The following FSTL5 variants were observed in gnomAD, a reference collection of about 807,000 sequenced individuals.
The protein encoded by FSTL5 is follistatin-related protein 5.
FSTL5 carries 62 observed loss-of-function variants against 89.1 expected under a neutral mutation model. That is an observed-to-expected ratio of 0.70 (90% CI 0.57 to 0.86). FSTL5 has a LOEUF of 0.86. Ranked by LOEUF, FSTL5 falls within the 40% of genes least tolerant of loss-of-function variation. The pLI, the probability that FSTL5 is intolerant of heterozygous loss-of-function variation, is 0.00. For missense variants in FSTL5, 1,057 were observed against 1,001.6 expected, an observed-to-expected ratio of 1.06 and a Z score of -0.75; for synonymous variants, 383 against 346.2, an observed-to-expected ratio of 1.11 and a Z score of -1.18.
chr4:161,924,672 T>C (rs1401623389), intron 3 of FSTL5, among the ~76,000 whole-genome samples: 1 of 151,620 alleles, frequency 6.6e-6, no homozygotes, highest in Admixed American at 6.6e-5. Context: ...TACCATGTAA[T>C]ACAAATAACT....
chr4:161,626,420 C>G (rs1735317956), intron 7 of FSTL5, among the ~76,000 whole-genome samples: 1 of 152,110 alleles, frequency 6.6e-6, no homozygotes, highest in Non-Finnish European at 1.5e-5. Context: ...CATAGCACAT[C>G]TGTTTAAAGC....
intron 13 of FSTL5, among the ~76,000 whole-genome samples, chr4:161,461,979 AG>A (rs1298399852): frequency 4.6e-5 from 7 of 152,180 alleles, no homozygotes; most frequent in Non-Finnish European, 7.3e-5. Flanking sequence ...ACTATATCAA[AG>A]GTCTGTAAGT....
chr4:162,049,968 T>C (rs901539715), intron 2 of FSTL5, among the ~76,000 whole-genome samples: 2 of 151,890 alleles, frequency 1.3e-5, no homozygotes, highest in Non-Finnish European at 2.9e-5. Flanking sequence ...AGCTGAATTA[T>C]TAGTAAAGAA....
intron 4 of FSTL5, among the ~76,000 whole-genome samples, chr4:161,778,871 G>C (rs1741518113): frequency 6.6e-6 from 1 of 152,202 alleles, no homozygotes; most frequent in Admixed American, 6.5e-5. Context: ...TCAGGAAGGA[G>C]AGAAATGTGT....
chr4:161,414,400 T>C (rs1731703917), intron 15 of FSTL5, among the ~76,000 whole-genome samples: 1 of 152,128 alleles, frequency 6.6e-6, no homozygotes. Context: ...CGAGACAAAA[T>C]ATTATTCATA....
chr4:162,088,679 CAG>C (rs1024653811), intron 2 of FSTL5, among the ~76,000 whole-genome samples: 2 of 152,006 alleles, frequency 1.3e-5, no homozygotes, highest in Admixed American at 6.6e-5. Context: ...TTATTAGAAA[CAG>C]ATTTAATTTT....
rs181266286 is a variant in FSTL5, at chr4:161,906,205, T to G, written c.409+14199A>C. 8.3e-3 allele frequency among the ~76,000 whole-genome samples: 1,269 copies of G among 152,244 alleles called. 26 individuals carry two copies. The highest frequency in any genetic ancestry group is 0.03 in the African/African-American group (1,228 of 41,548). On this transcript the variant is annotated intron_variant, in intron 4 of 15. Coordinates refer to ENST00000306100, the MANE Select transcript of FSTL5 (RefSeq NM_020116.5). The stretch of plus-strand genomic sequence containing the variant: ...AAACCAGTTGGAATCAAATCTTCAC[T>G]GATATCAGGAATAATAACCATACTT...
chr4:161,946,100 AT>A (rs1560930145), intron 3 of FSTL5, among the ~76,000 whole-genome samples: 1 of 152,060 alleles, frequency 6.6e-6, no homozygotes, highest in East Asian at 1.9e-4. Flanking sequence ...CTCACCACAT[AT>A]TTTTTCCTAT....
intron 15 of FSTL5, among the ~76,000 whole-genome samples, chr4:161,414,373 TAGG>T (rs923405455): frequency 1.3e-5 from 2 of 152,098 alleles, no homozygotes; most frequent in African/African-American, 4.8e-5. Flanking sequence ...TAATAGTCAT[TAGG>T]AGTAGAAATA....
intron 7 of FSTL5, among the ~76,000 whole-genome samples, chr4:161,629,396 G>C (rs1439583822): frequency 6.6e-6 from 1 of 152,106 alleles, no homozygotes; most frequent in East Asian, 1.9e-4. Context: ...AGGCTGGAGT[G>C]CGATGGCATG....
At chr4:161,406,525 G>C (rs1040578908) in intron 15 of FSTL5, among the ~76,000 whole-genome samples, 5 of 152,134 alleles carry the variant, frequency 3.3e-5, no homozygotes, top group Middle Eastern at 3.4e-3. Flanking sequence ...TTGTCTGTTA[G>C]GTCTGGTTAG....
At chr4:162,020,226 G>T (rs1234897324) in intron 3 of FSTL5, among the ~76,000 whole-genome samples, 3 of 151,788 alleles carry the variant, frequency 2.0e-5, no homozygotes, top group East Asian at 1.9e-4. Flanking sequence ...TGGGACACAG[G>T]CCCCATGGAC....
intron 7 of FSTL5, among the ~76,000 whole-genome samples, chr4:161,596,420 A>C (rs1734011984): frequency 6.6e-6 from 1 of 151,956 alleles, no homozygotes; most frequent in Non-Finnish European, 1.5e-5. Context: ...CTCTGGTATG[A>C]AAGCAAAACC....
intron 4 of FSTL5, among the ~76,000 whole-genome samples, chr4:161,778,840 AT>A (rs542982582): frequency 1.1e-4 from 17 of 152,248 alleles, no homozygotes; most frequent in Non-Finnish European, 2.2e-4. Context: ...ACATGTATTT[AT>A]CTGAGTGCAC....
chr4:162,139,443 TACACACACGCCCAC>T (rs1732641380), intron 1 of FSTL5, among the ~76,000 whole-genome samples: 1 of 146,880 alleles, frequency 6.8e-6, no homozygotes. Flanking sequence ...CATGAAAGTA[TACACACACGCCCAC>T]ACACACACAC....
chr4:161,750,751 G>T (rs1035571292), intron 6 of FSTL5, among the ~76,000 whole-genome samples: 45 of 152,190 alleles, frequency 3.0e-4, no homozygotes, highest in Admixed American at 3.3e-4. Flanking sequence ...ATCTAAAAAG[G>T]TCTGAAAAAC....
chr4:162,162,798 T>A (rs1733745649), intron 1 of FSTL5, among the ~76,000 whole-genome samples: 1 of 152,196 alleles, frequency 6.6e-6, no homozygotes. Context: ...GTGAGACATT[T>A]TCTCAGCCCA....
chr4:162,155,603 A>T (rs565062582), intron 1 of FSTL5, among the ~76,000 whole-genome samples: 3 of 152,322 alleles, frequency 2.0e-5, no homozygotes, highest in African/African-American at 7.2e-5. Flanking sequence ...AGTGACACTG[A>T]CATGACATTT....
intron 7 of FSTL5, 77 bp from the exon 8 acceptor site, chr4:161,587,652 C>A: frequency 8.7e-7 from 1 of 1,154,858 alleles, no homozygotes; most frequent in South Asian, 1.5e-5. Context: ...AAGGTGTATT[C>A]AGGTACAAAA....
Sources: allele counts gnomAD v4.1 joint callset (sites outside exome capture counted in the v4.1 genomes callset), GRCh38; gene constraint gnomAD v4.1.1; transcripts MANE v1.5; gene names NCBI Gene and HGNC (gene_info 2026-07-23, HGNC 2026-07-21).